Variants in ZNF208 observed in about 807,000 individuals in gnomAD.
The protein encoded by ZNF208 is zinc finger protein 208.
ZNF208 carries 10 observed loss-of-function variants against 12.1 expected under a neutral mutation model. The ratio of observed to expected loss-of-function variants is 0.83; its 90% CI spans 0.51 to 1.40. The LOEUF (loss-of-function observed/expected upper bound fraction) is 1.40, where lower values mean the gene tolerates loss of function less well. Ranked by LOEUF, ZNF208 falls within the 40% of genes most tolerant of loss-of-function variation. ZNF208 has a pLI of 0.00. For synonymous variants in ZNF208, 497 were observed against 488.4 expected (o/e 1.02, Z -0.23); for missense variants, 1,652 against 1,485.0 (o/e 1.11, Z -1.85).
chr19:21,964,518 A>T (rs1186570319), downstream of ZNF208, among the ~76,000 whole-genome samples: 1 of 151,756 alleles, frequency 6.6e-6, no homozygotes, highest in Non-Finnish European at 1.5e-5. Flanking sequence ...TTAAACAAGT[A>T]AACAAAAAAC....
At chr19:21,958,398 T>C (rs904077498) in intron 4 of ZNF208, among the ~76,000 whole-genome samples, 1 of 152,194 alleles carries the variant, frequency 6.6e-6, no homozygotes, top group African/African-American at 2.4e-5. Flanking sequence ...GCAATTATTC[T>C]GCAAATCTGG....
downstream of ZNF208, among the ~76,000 whole-genome samples, chr19:21,961,958 A>G (rs1970077850): frequency 6.6e-6 from 1 of 152,168 alleles, no homozygotes; most frequent in African/African-American, 2.4e-5. Context: ...GAGGTGACAT[A>G]CATCCTTAGC....
chr19:21,951,709 G>T (rs113163194), intron 4 of ZNF208, among the ~76,000 whole-genome samples: 7,921 of 152,200 alleles, frequency 0.052, 693 homozygotes, highest in African/African-American at 0.18. Flanking sequence ...AAGAGCTCTG[G>T]TCTGCAGCTC....
chr19:21,994,957 T>TC (rs1970805821), intron 1 of ZNF208, among the ~76,000 whole-genome samples: 1 of 150,452 alleles, frequency 6.6e-6, no homozygotes, highest in African/African-American at 2.4e-5. Flanking sequence ...TTCTTTTCTT[T>TC]TTTTTTTTTT....
chr19:22,007,288 G>A (rs1158139689), intron 1 of ZNF208, among the ~76,000 whole-genome samples: 1 of 151,908 alleles, frequency 6.6e-6, no homozygotes, highest in Non-Finnish European at 1.5e-5. Context: ...AGGAGGCCGA[G>A]GCAGGTGGAT....
At chr19:21,978,336 C>T (rs1327231400) in intron 3 of ZNF208, among the ~76,000 whole-genome samples, 1 of 152,160 alleles carries the variant, frequency 6.6e-6, no homozygotes, top group South Asian at 2.1e-4. Context: ...CTGGCTGGCA[C>T]ATGGCAGGTG....
rs1970281958 is a variant in ZNF208, at chr19:21,971,475, G to A, written c.3559C>T (p.His1187Tyr). ...GFVMFSILAK[H>Y]KVIHTGEKLY... is the part of the protein sequence containing the mutation. ...TTCTCTCCAGTATGAATTACCTTAT[G>A]TTTTGCAAGGATTGAGAACATAACA... Residue 1187 changes from histidine (H) to tyrosine (Y), a missense_variant, in exon 4 of 4, where the codon CAT becomes TAT. His to Tyr is a moderately conservative substitution (Grantham distance 83, BLOSUM62 2). Around this residue, in one of 3 missense-constraint regions of ZNF208, gnomAD observed 1,239 missense variants for 1,086.2 expected, o/e 1.14. Coordinates refer to ENST00000397126, the MANE Select transcript of ZNF208 (RefSeq NM_007153.3). 1.1e-5 allele frequency: 17 copies of A among 1,611,190 alleles called. No homozygotes were observed. Among genetic ancestry groups the A allele is most frequent in the Non-Finnish European group, 1.4e-5 (17 of 1,179,868 alleles).
At chr19:21,950,258 T>C (rs1969869775) in intron 4 of ZNF208, among the ~76,000 whole-genome samples, 1 of 152,172 alleles carries the variant, frequency 6.6e-6, no homozygotes, top group African/African-American at 2.4e-5. Context: ...ATTACTTTTA[T>C]CCACTCTTTC....
chr19:22,000,961 A>C (rs73017848), intron 1 of ZNF208, among the ~76,000 whole-genome samples: 1,919 of 152,260 alleles, frequency 0.013, 14 homozygotes, highest in Non-Finnish European at 0.019. Flanking sequence ...TTGAACAAAC[A>C]CATCCTCCCA....
intron 1 of ZNF208, among the ~76,000 whole-genome samples, chr19:21,989,944 T>C (rs923893022): frequency 1.3e-5 from 2 of 152,222 alleles, no homozygotes; most frequent in Non-Finnish European, 2.9e-5. Flanking sequence ...GTTTTTTTCT[T>C]GTAAATTAGT....
chr19:21,968,702 T>C lies in ZNF208; in HGVS notation c.*2489A>G, dbSNP rs1012875826. ...AGTTTCATATATTTCACTGATTTAA[T>C]ATAACAAGTTAGGGTGAAATCCCAC... is the stretch of plus-strand genomic sequence containing the variant. On this transcript the variant is annotated 3_prime_UTR_variant, in exon 4 of 4. Transcript: ENST00000397126. Among the ~76,000 whole-genome samples the C allele has an allele frequency of 6.6e-6, 1 of 152,132 alleles. No homozygotes were observed. The highest frequency in any genetic ancestry group is 1.5e-5 in the Non-Finnish European group (1 of 68,006).
chr19:21,941,062 C>A (rs1969731929), intron 4 of ZNF208: 1 of 283,450 alleles, frequency 3.5e-6, no homozygotes, highest in Non-Finnish European at 6.5e-6. Context: ...GAAGGAGGTG[C>A]CCCGCAGAGG....
At chr19:21,944,174 C>T (rs1969783815) in intron 4 of ZNF208, among the ~76,000 whole-genome samples, 1 of 152,134 alleles carries the variant, frequency 6.6e-6, no homozygotes, top group Non-Finnish European at 1.5e-5. Context: ...CCAAACCAAC[C>T]TTATTTGAAT....
rs1244177713 is a variant in ZNF208 at position 21,970,150 on chromosome 19, G to C, written c.*1041C>G. ...TTTTATATTCAGAAAAGTCTGAGGT[G>C]TTGCCAAAAGCATTGTCACATCTTT... On this transcript the variant is annotated 3_prime_UTR_variant, in exon 4 of 4. Coordinates refer to ENST00000397126, the MANE Select transcript of ZNF208 (RefSeq NM_007153.3). Among the ~76,000 whole-genome samples the C allele has an allele frequency of 6.6e-6, 1 of 152,172 alleles. No individual in the cohort carries two copies.
At chr19:21,957,484 T>C (rs553919553) in intron 4 of ZNF208, among the ~76,000 whole-genome samples, 1 of 152,134 alleles carries the variant, frequency 6.6e-6, no homozygotes, top group South Asian at 2.1e-4. Flanking sequence ...GCTGGTCTCA[T>C]ACCTTGTCTA....
chr19:21,954,394 ACTTT>A (rs1969938856), intron 4 of ZNF208, among the ~76,000 whole-genome samples: 3 of 152,080 alleles, frequency 2.0e-5, no homozygotes, highest in African/African-American at 7.2e-5. Flanking sequence ...ATCCTTGTTA[ACTTT>A]CTGTCTCACT....
chr19:21,972,810 T>A lies in ZNF208; in HGVS notation c.2224A>T (p.Ile742Phe), dbSNP rs767371469. Residue 742 changes from isoleucine (I) to phenylalanine (F), a missense_variant, in exon 4 of 4, where the codon ATT (isoleucine) becomes TTT (phenylalanine). By Grantham distance (21) the Ile-to-Phe change is conservative. This residue lies in a region of ZNF208 where 1,239 missense variants were observed against 1,086.2 expected (regional missense o/e 1.14). Transcript: ENST00000397126. ...TFSVLTKHKV[I>F]HTGEKPYKCE... ...TTGTAGGGTTTCTCTCCAGTATGAATTACCTTATGTTTAGTAAGGACTGAG... is the reference window on the plus strand; with the variant it reads ...TTGTAGGGTTTCTCTCCAGTATGAAATACCTTATGTTTAGTAAGGACTGAG... 1 of 1,612,384 alleles carries A rather than the reference T, an allele frequency of 6.2e-7. No individual in the cohort carries two copies. The highest frequency in any genetic ancestry group is 1.1e-5 in the South Asian group (1 of 91,010).
chr19:22,007,453 G>GT (rs1464120708), intron 1 of ZNF208, among the ~76,000 whole-genome samples: 1 of 130,828 alleles, frequency 7.6e-6, no homozygotes, highest in East Asian at 2.3e-4. Flanking sequence ...GGAGCTTGCA[G>GT]TGAGATCCCG....
chr19:21,956,944 C>A (rs1969987477), intron 4 of ZNF208, among the ~76,000 whole-genome samples: 1 of 152,160 alleles, frequency 6.6e-6, no homozygotes, highest in Non-Finnish European at 1.5e-5. Flanking sequence ...CTGGAGCTGT[C>A]CCTATTCAGA....
Sources: gnomAD v4.1 joint callset for allele counts (sites outside exome capture counted in the v4.1 genomes callset) on GRCh38, gnomAD v4.1.1 for gene constraint, gnomAD v4.1.1 regional missense constraint, MANE v1.5 for transcripts, NCBI Gene and HGNC (gene_info 2026-07-23, HGNC 2026-07-21) for gene names.